Variants in ADCY2 observed in about 807,000 individuals in gnomAD.
ADCY2 encodes the protein adenylate cyclase type 2.
In ADCY2, 31 loss-of-function variants were observed where a neutral mutation model predicts 125.2. The ratio of observed to expected loss-of-function variants is 0.25; its 90% confidence interval spans 0.19 to 0.33. ADCY2 has a LOEUF of 0.33. ADCY2 is among the 10% of genes least tolerant of loss of function. The pLI is 1.00. For missense variants in ADCY2, 904 were observed against 1,418.2 expected (o/e 0.64, Z 5.82); for synonymous variants, 512 against 548.4 (o/e 0.93, Z 0.93).
chr5:7,435,082 C>T (rs1196482704), intron 2 of ADCY2, among the ~76,000 whole-genome samples: 1 of 152,150 alleles, frequency 6.6e-6, no homozygotes, highest in Non-Finnish European at 1.5e-5. Context: ...ATTATGTGTT[C>T]TCCTTGCGTG....
At position 7,408,160 on chromosome 5, in the gene ADCY2, G is replaced by A. The variant is rs370415467; in HGVS notation, c.211-6413G>A. Reference sequence around the variant, plus strand: ...GGTGGGATTATAGGCATGAGCCACCGTGCCTGGCCCCTTCTGTTCAGTTCT... The same window carrying A: ...GGTGGGATTATAGGCATGAGCCACCATGCCTGGCCCCTTCTGTTCAGTTCT... On this transcript the variant is annotated intron_variant, in intron 1 of 24. Coordinates refer to ENST00000338316, the MANE Select transcript of ADCY2 (RefSeq NM_020546.3). 2.6e-5 allele frequency among the ~76,000 whole-genome samples: 4 copies of A among 151,782 alleles called. No homozygotes were observed. In the East Asian group the frequency reaches 5.9e-4, roughly 22 times the overall value.
chr5:7,416,837 G>A (rs769165711), intron 2 of ADCY2, among the ~76,000 whole-genome samples: 1 of 152,166 alleles, frequency 6.6e-6, no homozygotes, highest in Non-Finnish European at 1.5e-5. Context: ...GCCTGGATCT[G>A]GTGGTCTCTT....
intron 2 of ADCY2, among the ~76,000 whole-genome samples, chr5:7,499,660 T>TAC (rs1016471286): frequency 1.8e-5 from 2 of 111,182 alleles, no homozygotes; most frequent in East Asian, 2.1e-4. Context: ...TATATATATA[T>TAC]ATATATATAT....
rs74715125 is a variant in ADCY2 at position 7,743,629 on chromosome 5, G to C, written c.1872-39G>C. 9.8e-3 allele frequency: 15,512 copies of C among 1,584,680 alleles called. 93 individuals are homozygous for C. Among genetic ancestry groups the C allele is most frequent in the Non-Finnish European group, 0.012 (13,651 of 1,154,872 alleles). ...GGTAGCTTTCCAGAATGAGAGAAACGATCTCCACCCTGACTTGCTGCTTTT... is the reference window on the plus strand; with the variant it reads ...GGTAGCTTTCCAGAATGAGAGAAACCATCTCCACCCTGACTTGCTGCTTTT... On this transcript the variant is annotated intron_variant, in intron 14 of 24. Coordinates refer to ENST00000338316, the MANE Select transcript of ADCY2 (RefSeq NM_020546.3).
chr5:7,767,273 C>G (rs998303409), intron 17 of ADCY2, among the ~76,000 whole-genome samples: 1 of 152,140 alleles, frequency 6.6e-6, no homozygotes, highest in Admixed American at 6.5e-5. Flanking sequence ...GTAATTCTTG[C>G]TAACTGACTC....
At chr5:7,398,469 G>A (rs756149730) in intron 1 of ADCY2, among the ~76,000 whole-genome samples, 27 of 152,114 alleles carry the variant, frequency 1.8e-4, no homozygotes, top group Non-Finnish European at 3.4e-4. Flanking sequence ...CGTTTTCCAC[G>A]CATCTTTACT....
chr5:7,697,272 C>T (rs4235582), intron 6 of ADCY2, among the ~76,000 whole-genome samples: 67,097 of 151,942 alleles, frequency 0.44, 16,300 homozygotes, highest in Admixed American at 0.54. Context: ...AAGTACTCAA[C>T]GTGACTTCCT....
intron 3 of ADCY2, among the ~76,000 whole-genome samples, chr5:7,543,748 T>C (rs140112027): frequency 0.013 from 1,983 of 152,140 alleles, 45 homozygotes; most frequent in African/African-American, 0.045. Flanking sequence ...AGTGGCTCAC[T>C]GTGGCCTGTA....
rs140805106 is a variant in ADCY2, at chr5:7,770,639, C to A, written c.2215-2293C>A. Among the ~76,000 whole-genome samples, 349 of 152,264 alleles carry A rather than the reference C, an allele frequency of 2.3e-3. 2 individuals carry two copies. Among genetic ancestry groups the A allele is most frequent in the African/African-American group, 8.0e-3 (334 of 41,534 alleles). On this transcript the variant is annotated intron_variant, in intron 17 of 24. Coordinates refer to ENST00000338316, the MANE Select transcript of ADCY2 (RefSeq NM_020546.3). ...TACTTTGAGTGACTCATGGAAGACA[C>A]AGGATTGCCTTGTTAAGATCAGCTG... is the stretch of plus-strand genomic sequence containing the variant.
At chr5:7,558,859 G>A (rs1735620639) in intron 3 of ADCY2, among the ~76,000 whole-genome samples, 3 of 152,054 alleles carry the variant, frequency 2.0e-5, no homozygotes, top group Non-Finnish European at 4.4e-5. Context: ...TAATTTTTTT[G>A]TGTGGTGTAA....
At chr5:7,679,131 C>T (rs1740234077) in intron 4 of ADCY2, among the ~76,000 whole-genome samples, 1 of 152,186 alleles carries the variant, frequency 6.6e-6, no homozygotes, top group Non-Finnish European at 1.5e-5. Context: ...TAACACAGCA[C>T]ACAGCACCTA....
At chr5:7,572,635 A>G (rs540457610) in intron 3 of ADCY2, among the ~76,000 whole-genome samples, 5 of 152,228 alleles carry the variant, frequency 3.3e-5, no homozygotes, top group African/African-American at 9.6e-5. Context: ...TCTTTAGTTT[A>G]CTTAGATCCC....
intron 3 of ADCY2, among the ~76,000 whole-genome samples, chr5:7,609,680 A>G (rs1442217215): frequency 1.3e-5 from 2 of 152,220 alleles, no homozygotes; most frequent in Admixed American, 6.5e-5. Context: ...GCAGATGGAG[A>G]AATGCAAAAC....
chr5:7,656,945 G>T (rs1447035875), intron 4 of ADCY2, among the ~76,000 whole-genome samples: 1 of 152,190 alleles, frequency 6.6e-6, no homozygotes, highest in Non-Finnish European at 1.5e-5. Flanking sequence ...GTGCCAACAT[G>T]ATACCACAAG....
At chr5:7,777,105 A>G (rs1408398770) in intron 18 of ADCY2, among the ~76,000 whole-genome samples, 1 of 151,838 alleles carries the variant, frequency 6.6e-6, no homozygotes, top group African/African-American at 2.4e-5. Flanking sequence ...GGAAAACCCC[A>G]ACTAATACAT....
At chr5:7,503,482 C>G (rs553667144) in intron 2 of ADCY2, among the ~76,000 whole-genome samples, 4 of 152,246 alleles carry the variant, frequency 2.6e-5, no homozygotes, top group Admixed American at 6.5e-5. Flanking sequence ...ATCTTAAAGT[C>G]ATGTCAGTTT....
chr5:7,721,889 A>G (rs1741772603), intron 12 of ADCY2, among the ~76,000 whole-genome samples: 1 of 152,202 alleles, frequency 6.6e-6, no homozygotes, highest in Admixed American at 6.5e-5. Context: ...CAAATTTTAG[A>G]TACTATCCAT....
At chr5:7,516,024 T>A (rs71602156) in intron 2 of ADCY2, among the ~76,000 whole-genome samples, 2,913 of 152,250 alleles carry the variant, frequency 0.019, 43 homozygotes, top group Non-Finnish European at 0.028. Context: ...GCATTCAGAA[T>A]CATGCATCTG....
At chr5:7,808,772 A>T (rs529895939) in intron 22 of ADCY2, among the ~76,000 whole-genome samples, 3 of 152,180 alleles carry the variant, frequency 2.0e-5, no homozygotes, top group Non-Finnish European at 4.4e-5. Context: ...CTATTCATTC[A>T]TCGCTGCTCC....
Sources: allele counts gnomAD v4.1 joint callset (sites outside exome capture counted in the v4.1 genomes callset), GRCh38; gene constraint gnomAD v4.1.1; transcripts MANE v1.5; gene names NCBI Gene and HGNC (gene_info 2026-07-23, HGNC 2026-07-21).